The following SNTB2 variants were observed in gnomAD, a reference collection of about 807,000 sequenced individuals.
The protein encoded by SNTB2 is syntrophin beta 2, also known as beta-2-syntrophin.
Under a neutral mutation model 46.2 loss-of-function variants are expected in SNTB2, and 34 were observed. That is an observed-to-expected ratio of 0.74 (90% confidence interval 0.56 to 0.98). The LOEUF (loss-of-function observed/expected upper bound fraction) is 0.98, where lower values mean the gene tolerates loss of function less well. Among genes scored for constraint, SNTB2 ranks in the 50% least tolerant of loss-of-function variants. SNTB2 has a pLI of 0.00. For synonymous variants in SNTB2, 290 were observed against 312.6 expected (o/e 0.93, Z 0.76); for missense variants, 603 against 731.4 (o/e 0.82, Z 2.02).
intron 1 of SNTB2, among the ~76,000 whole-genome samples, chr16:69,221,630 G>A (rs1408112308): frequency 6.6e-6 from 1 of 152,122 alleles, no homozygotes; most frequent in African/African-American, 2.4e-5. Context: ...ACAAAAATTA[G>A]CCAAGCATGG....
chr16:69,214,495 A>G lies in SNTB2; in HGVS notation c.580+26749A>G, dbSNP rs1310948648. 3.3e-5 allele frequency among the ~76,000 whole-genome samples: 5 copies of G among 151,432 alleles called. No individual in the cohort carries two copies. The East Asian group carries it at 9.7e-4, about 30-fold the overall frequency. Reference sequence around the variant, plus strand: ...TGTGTTGTGGCTTCAACATATATACAACTCTAATAAACATATATTTTATAT... The same window carrying G: ...TGTGTTGTGGCTTCAACATATATACGACTCTAATAAACATATATTTTATAT... On this transcript the variant is annotated intron_variant, in intron 1 of 6. Transcript: ENST00000336278.
intron 5 of SNTB2, among the ~76,000 whole-genome samples, chr16:69,299,212 G>A (rs1965256365): frequency 1.4e-5 from 2 of 147,814 alleles, no homozygotes; most frequent in South Asian, 4.3e-4. Flanking sequence ...GTGCAATCTT[G>A]GCTCACTGCA....
intron 1 of SNTB2, among the ~76,000 whole-genome samples, chr16:69,229,969 T>G (rs1408643728): frequency 6.6e-6 from 1 of 151,890 alleles, no homozygotes; most frequent in African/African-American, 2.4e-5. Flanking sequence ...AATTTTTTTG[T>G]AGATACATGG....
At chr16:69,297,066 A>C (rs1045097655) in intron 5 of SNTB2, among the ~76,000 whole-genome samples, 3 of 151,766 alleles carry the variant, frequency 2.0e-5, no homozygotes, top group African/African-American at 7.3e-5. Flanking sequence ...GCACTTTGGG[A>C]GACCGAGGCA....
chr16:69,292,349 AT>A lies in SNTB2; in HGVS notation c.1346-7235del, dbSNP rs201213558. Among the ~76,000 whole-genome samples, 26 of 77,372 alleles carry A rather than the reference AT, an allele frequency of 3.4e-4. 3 individuals are homozygous for A. The highest frequency in any genetic ancestry group is 5.1e-4 in the Non-Finnish European group (22 of 42,784). The allele number at this position is 77,372 out of a possible 152,430, so 50.8% of individuals were successfully genotyped here. A position where few individuals can be genotyped will look rare whatever the true frequency, so the allele number is the denominator to read the frequency against. On this transcript the variant is annotated intron_variant, in intron 5 of 6. Transcript: ENST00000336278. Reference sequence around the variant, plus strand: ...GGTTGTATTTACCATTGTTCACCTTATTTTTTATATATATATATATATATAT... The same window carrying A: ...GGTTGTATTTACCATTGTTCACCTTATTTTTATATATATATATATATATAT...
At chr16:69,289,866 G>A (rs1184204302) in intron 5 of SNTB2, among the ~76,000 whole-genome samples, 1 of 152,122 alleles carries the variant, frequency 6.6e-6, no homozygotes, top group Admixed American at 6.5e-5. Context: ...AGGATTCAGT[G>A]AGCTATGATT....
chr16:69,275,986 G>C (rs1964982155), intron 4 of SNTB2, among the ~76,000 whole-genome samples: 1 of 152,190 alleles, frequency 6.6e-6, no homozygotes, highest in Non-Finnish European at 1.5e-5. Context: ...CTGTACGTGT[G>C]TGGGTTTTAA....
intron 1 of SNTB2, 27 bp downstream of exon 1, chr16:69,187,773 G>GGGGGGGGGC: frequency 6.0e-6 from 2 of 331,854 alleles, no homozygotes; most frequent in Non-Finnish European, 1.1e-5. Flanking sequence ...GGGAGGGTGG[G>GGGGGGGGGC]CAGGCCGCGG....
intron 1 of SNTB2, among the ~76,000 whole-genome samples, chr16:69,192,630 G>T (rs1360591991): frequency 6.6e-6 from 1 of 152,186 alleles, no homozygotes; most frequent in African/African-American, 2.4e-5. Context: ...TTGGAGAAAT[G>T]ATGGTATGGT....
chr16:69,235,863 T>C, intron 1 of SNTB2: 2 of 1,288,724 alleles, frequency 1.6e-6, no homozygotes, highest in Non-Finnish European at 2.0e-6. Flanking sequence ...CTACCACTTC[T>C]ACAACTGTTC....
intron 1 of SNTB2, among the ~76,000 whole-genome samples, chr16:69,219,439 T>C (rs2152293366): frequency 6.6e-6 from 1 of 152,264 alleles, no homozygotes; most frequent in Non-Finnish European, 1.5e-5. Flanking sequence ...TTGCAGAATG[T>C]GATGATTTAT....
At position 69,238,196 on chromosome 16, in the gene SNTB2, G is replaced by T. The variant is rs573265400; in HGVS notation, c.581-7406G>T. 3.9e-5 allele frequency among the ~76,000 whole-genome samples: 6 copies of T among 152,270 alleles called. No homozygotes were observed. In the East Asian group the frequency reaches 9.7e-4, roughly 24 times the overall value. On this transcript the variant is annotated intron_variant, in intron 1 of 6. Transcript: ENST00000336278. ...TGGAGGGAAAGAAGGAGGAGGGTGA[G>T]GTTGGAGCATTTATCCCCTTGGCCC...
In SNTB2 at chr16:69,304,850, CT is replaced by C. The variant is rs369525772; in HGVS notation, c.*3938del. On this transcript the variant is annotated 3_prime_UTR_variant, in exon 7 of 7. Transcript: ENST00000336278. ...GGCTAATTTTTATGGATTTTTTTTT[CT>C]TTTTTTTTTTTCGCCATGTTGCCCA... The C allele has an allele frequency of 2.1e-3, 297 of 141,292 alleles. 4 individuals carry two copies. In the East Asian group the frequency reaches 0.026, roughly 13 times the overall value. The allele number at this position is 141,292 out of a possible 1,614,324, so 8.8% of individuals were successfully genotyped here. A position where few individuals can be genotyped will look rare whatever the true frequency, so the allele number is the denominator to read the frequency against.
chr16:69,260,314 G>T (rs895247701), intron 3 of SNTB2, 54 bp downstream of exon 3: 71 of 1,515,936 alleles, frequency 4.7e-5, no homozygotes, highest in Non-Finnish European at 5.6e-5. Context: ...GTGCCAGGAT[G>T]GTTCCTCATT....
At chr16:69,284,459 T>TA (rs3087058) in intron 5 of SNTB2, among the ~76,000 whole-genome samples, 466 of 45,902 alleles carry the variant, frequency 0.01, 16 homozygotes, top group East Asian at 0.014. Flanking sequence ...CCGTCTTTAC[T>TA]AAAAAAAAAA....
At position 69,260,054 on chromosome 16, in the gene SNTB2, A is replaced by G. The variant is rs755062441; in HGVS notation, c.799A>G (p.Ile267Val). The change falls in exon 3 of 7, where the codon ATA (isoleucine) becomes GTA (valine). Residue 267 changes from isoleucine (I) to valine (V), a missense_variant. Physicochemically the swap from Ile to Val is conservative, Grantham distance 29 (BLOSUM62 3). Transcript: ENST00000336278. ...TTTTTTTCTTTTTCCACACAGATTGATAGAGCTACATTCTCCTGATAGCAG... is the reference window on the plus strand; with the variant it reads ...TTTTTTTCTTTTTCCACACAGATTGGTAGAGCTACATTCTCCTGATAGCAG... ...LSMPDLENRL[I>V]ELHSPDSRNT... 5 of 1,611,556 alleles carry G rather than the reference A, an allele frequency of 3.1e-6. No individual in the cohort carries two copies. The African/African-American group carries it at 6.7e-5, about 22-fold the overall frequency.
At chr16:69,283,961 A>C in intron 4 of SNTB2, 87 bp from the exon 5 acceptor site, 1 of 1,247,790 alleles carries the variant, frequency 8.0e-7, no homozygotes, top group Non-Finnish European at 1.1e-6. Context: ...TGCTTTTATA[A>C]GTTTCTCTTA....
intron 4 of SNTB2, among the ~76,000 whole-genome samples, chr16:69,274,840 C>T (rs1964971244): frequency 6.6e-6 from 1 of 151,952 alleles, no homozygotes; most frequent in Admixed American, 6.6e-5. Flanking sequence ...TGATCTGCCA[C>T]CAATTTTTAC....
intron 4 of SNTB2, among the ~76,000 whole-genome samples, chr16:69,274,417 G>C (rs1157781581): frequency 6.6e-6 from 1 of 152,242 alleles, no homozygotes; most frequent in East Asian, 1.9e-4. Context: ...ACTTTGGGAG[G>C]CCACGGCGGG....
Sources: gnomAD v4.1 joint callset for allele counts (sites outside exome capture counted in the v4.1 genomes callset) on GRCh38, gnomAD v4.1.1 for gene constraint, MANE v1.5 for transcripts, NCBI Gene and HGNC (gene_info 2026-07-23, HGNC 2026-07-21) for gene names.